Variants in SNX30 observed in about 807,000 individuals in gnomAD.
The protein encoded by SNX30 is sorting nexin-30.
Under a neutral mutation model 46.4 loss-of-function variants are expected in SNX30, and 24 were observed. The ratio of observed to expected loss-of-function variants is 0.52; its 90% CI spans 0.37 to 0.73. The LOEUF is 0.73. Among genes scored for constraint, SNX30 ranks in the 30% least tolerant of loss-of-function variants. SNX30 has a pLI of 0.00. For missense variants in SNX30, 533 were observed against 555.7 expected (o/e 0.96, Z 0.41); for synonymous variants, 189 against 211.5 (o/e 0.89, Z 0.92).
chr9:112,792,256 C>G (rs1023457357), intron 1 of SNX30, among the ~76,000 whole-genome samples: 1 of 152,150 alleles, frequency 6.6e-6, no homozygotes, highest in Non-Finnish European at 1.5e-5. Context: ...GGTTTTTTCT[C>G]TCTATTTAAT....
At position 112,838,609 on chromosome 9, in the gene SNX30, C is replaced by T. The variant is rs773180647; in HGVS notation, c.926C>T (p.Ser309Phe). ...GTGTCAGCTTGCATTGGGAACTGCTCTACAGCCTTAGAAGAGCTGACAGAT... is the reference window on the plus strand; with the variant it reads ...GTGTCAGCTTGCATTGGGAACTGCTTTACAGCCTTAGAAGAGCTGACAGAT... ...EGVSACIGNC[S>F]TALEELTDDM... Residue 309 changes from serine to phenylalanine, a missense_variant, in exon 6 of 9, where the codon TCT (serine) becomes TTT (phenylalanine). Coordinates refer to ENST00000374232, the MANE Select transcript of SNX30 (RefSeq NM_001012994.2). The T allele has an allele frequency of 4.2e-5, 68 of 1,614,090 alleles. No homozygotes were observed. The highest frequency in any genetic ancestry group is 2.5e-4 in the Admixed American group (15 of 60,008).
intron 4 of SNX30, among the ~76,000 whole-genome samples, chr9:112,833,547 G>C (rs989394230): frequency 6.6e-6 from 1 of 152,078 alleles, no homozygotes; most frequent in African/African-American, 2.4e-5. Flanking sequence ...GGAGAAATGG[G>C]GACGCTCAAT....
downstream of SNX30, chr9:112,879,976 C>T (rs1258359535): frequency 1.8e-5 from 10 of 568,768 alleles, no homozygotes; most frequent in East Asian, 2.8e-4. Flanking sequence ...GACCCATCTC[C>T]CTGCAGCTGC....
intron 1 of SNX30, among the ~76,000 whole-genome samples, chr9:112,790,188 A>ACT: frequency 6.6e-6 from 1 of 152,328 alleles, no homozygotes; most frequent in African/African-American, 2.4e-5. Flanking sequence ...AATAGTTAAG[A>ACT]TACATTTGAA....
At chr9:112,761,525 T>G (rs1389336071) in intron 1 of SNX30, among the ~76,000 whole-genome samples, 1 of 152,100 alleles carries the variant, frequency 6.6e-6, no homozygotes, top group Non-Finnish European at 1.5e-5. Flanking sequence ...AGACCAGCCG[T>G]GAAAGAGGTA....
chr9:112,765,810 T>G (rs775158466), intron 1 of SNX30, among the ~76,000 whole-genome samples: 4 of 152,206 alleles, frequency 2.6e-5, no homozygotes, highest in Non-Finnish European at 4.4e-5. Flanking sequence ...TCTATTTTCT[T>G]TTTTTCTTTT....
At chr9:112,816,398 T>C (rs1840396536) in intron 2 of SNX30, among the ~76,000 whole-genome samples, 1 of 152,234 alleles carries the variant, frequency 6.6e-6, no homozygotes, top group Non-Finnish European at 1.5e-5. Flanking sequence ...CCTACAATGC[T>C]AGTTCCTTTG....
At chr9:112,883,504 A>T (rs1444389615), downstream of SNX30, among the ~76,000 whole-genome samples, 1 of 151,024 alleles carries the variant, frequency 6.6e-6, no homozygotes, top group African/African-American at 2.4e-5. Flanking sequence ...ACCATAAAGG[A>T]TTGTTTGGGA....
exon 5 of SNX30, chr9:112,880,161 A>G (rs1343636804): frequency 1.7e-5 from 3 of 177,788 alleles, no homozygotes; most frequent in South Asian, 1.7e-4. Context: ...TGAAACCCCA[A>G]CTCTACTAAA....
At chr9:112,768,519 A>G (rs912845780) in intron 1 of SNX30, among the ~76,000 whole-genome samples, 6 of 152,150 alleles carry the variant, frequency 3.9e-5, no homozygotes, top group Admixed American at 2.0e-4. Flanking sequence ...CTAAGCATTC[A>G]GATCCTCCAA....
intron 1 of SNX30, among the ~76,000 whole-genome samples, chr9:112,763,841 C>CT (rs1839484611): frequency 7.1e-6 from 1 of 141,080 alleles, no homozygotes; most frequent in African/African-American, 2.7e-5. Flanking sequence ...GAGTGAGACT[C>CT]TGACTAAAAA....
At chr9:112,834,190 A>G (rs1283929556) in intron 4 of SNX30, among the ~76,000 whole-genome samples, 2 of 151,982 alleles carry the variant, frequency 1.3e-5, no homozygotes, top group Non-Finnish European at 2.9e-5. Context: ...ATTTTCCCCA[A>G]ACACCAAGCA....
At chr9:112,769,807 C>A (rs1839616557) in intron 1 of SNX30, among the ~76,000 whole-genome samples, 1 of 152,184 alleles carries the variant, frequency 6.6e-6, no homozygotes, top group Admixed American at 6.5e-5. Context: ...TCTCCCACTG[C>A]CTTCTTGATG....
chr9:112,792,704 G>A (rs4979153), intron 1 of SNX30, among the ~76,000 whole-genome samples: 132,869 of 152,258 alleles, frequency 0.87, 58,171 homozygotes, highest in Middle Eastern at 0.91. Flanking sequence ...GGGATTATAG[G>A]TTTGAGGCCA....
chr9:112,838,459 A>C (rs757716890), intron 5 of SNX30, 39 bp from the exon 6 acceptor site: 1 of 1,562,106 alleles, frequency 6.4e-7, no homozygotes, highest in Non-Finnish European at 8.7e-7. Flanking sequence ...AGCAACTGCT[A>C]CCCAGCCAGA....
intron 1 of SNX30, among the ~76,000 whole-genome samples, chr9:112,768,598 G>A (rs533301149): frequency 8.0e-6 from 1 of 125,686 alleles, no homozygotes; most frequent in South Asian, 3.1e-4. Context: ...GATGGCCCAG[G>A]GAGCAGTATT....
Position 112,832,467 on chromosome 9 carries a change from T to A in SNX30, c.618+1584T>A, listed in dbSNP as rs1336852670. 1.7e-3 allele frequency among the ~76,000 whole-genome samples: 130 copies of A among 76,110 alleles called. 1 individual carries two copies. The highest frequency in any genetic ancestry group is 2.2e-3 in the African/African-American group (37 of 16,882). The allele number at this position is 76,110 out of a possible 152,430, so 49.9% of individuals were successfully genotyped here. A position where few individuals can be genotyped will look rare whatever the true frequency, so the allele number is the denominator to read the frequency against. On this transcript the variant is annotated intron_variant, in intron 4 of 8. Coordinates refer to ENST00000374232, the MANE Select transcript of SNX30 (RefSeq NM_001012994.2). ...GAGAGAGAGAGAGAGAGAGTGTGTG[T>A]GTGTGTGTGTGTGTGTGTGTGTGTG...
chr9:112,784,204 C>T (rs1004180755), intron 1 of SNX30, among the ~76,000 whole-genome samples: 1 of 152,156 alleles, frequency 6.6e-6, no homozygotes, highest in Non-Finnish European at 1.5e-5. Flanking sequence ...CTGGCACCTA[C>T]CCCCTAGGTC....
intron 1 of SNX30, among the ~76,000 whole-genome samples, chr9:112,769,677 C>A (rs994775458): frequency 3.9e-5 from 6 of 152,172 alleles, no homozygotes; most frequent in African/African-American, 1.4e-4. Context: ...CTGTAGGACT[C>A]CATTCTGATA....
Sources: allele counts gnomAD v4.1 joint callset (sites outside exome capture counted in the v4.1 genomes callset), GRCh38; gene constraint gnomAD v4.1.1; transcripts MANE v1.5; gene names NCBI Gene and HGNC (gene_info 2026-07-23, HGNC 2026-07-21).